PRR19: variants seen among roughly 807,000 people sequenced by gnomAD.
PRR19 encodes the protein proline-rich protein 19.
A neutral mutation model predicts 19.2 loss-of-function variants in PRR19; 9 were observed. The ratio of observed to expected loss-of-function variants is 0.47; its 90% CI spans 0.28 to 0.82. The LOEUF (loss-of-function observed/expected upper bound fraction) is 0.82. Among genes scored for constraint, PRR19 ranks in the 40% least tolerant of loss-of-function variants. The probability of loss-of-function intolerance (pLI) is 0.11; values close to 1 mark genes in which losing one functional copy is unlikely to be tolerated. For synonymous variants in PRR19, 190 were observed against 191.0 expected, an observed-to-expected ratio of 0.99 and a Z score of 0.04; for missense variants, 457 against 466.0, an observed-to-expected ratio of 0.98 and a Z score of 0.18.
Position 42,310,077 on chromosome 19 carries a change from A to C in PRR19, c.493A>C (p.Asn165His). The C allele has an allele frequency of 1.9e-6, 3 of 1,614,060 alleles. No individual in the cohort carries two copies. Among genetic ancestry groups the C allele is most frequent in the Non-Finnish European group, 2.5e-6 (3 of 1,180,012 alleles). The change falls in exon 2 of 3, where the codon AAC becomes CAC. Residue 165 changes from asparagine to histidine, a missense_variant. By Grantham distance (68) the Asn-to-His change is moderately conservative. Transcript: ENST00000341747. ...TTTGCCACAGGCCTTCCCCCGGAGG[A>C]ACCTGATTCAGGATGCCAGGGATGC... ...LSLPQAFPRR[N>H]LIQDARDAIV... is the part of the protein sequence containing the mutation.
chr19:42,309,987 C>T lies in PRR19; in HGVS notation c.403C>T (p.Pro135Ser), dbSNP rs1157772026. The T allele has an allele frequency of 5.6e-6, 9 of 1,614,046 alleles. No homozygotes were observed. Among genetic ancestry groups the T allele is most frequent in the Non-Finnish European group, 7.6e-6 (9 of 1,180,032 alleles). Residue 135 changes from proline to serine, a missense_variant, in exon 2 of 3, where the codon CCA becomes TCA. By Grantham distance (74) the Pro-to-Ser change is moderately conservative. Coordinates refer to ENST00000341747, the MANE Select transcript of PRR19 (RefSeq NM_199285.3). ...GGTGCCTGGAGGTTCGGGCCCAGGC[C>T]CACCCAGTTCCCCAGAGTTGTCTGG... ...NQVPGGSGPG[P>S]PSSPELSGVG...
intron 1 of PRR19, among the ~76,000 whole-genome samples, chr19:42,304,027 C>T (rs991787696): frequency 1.3e-5 from 2 of 151,866 alleles, no homozygotes; most frequent in African/African-American, 2.4e-5. Context: ...GCCTGTAATC[C>T]CAGCACTTTG....
intron 1 of PRR19, 163 bp downstream of exon 1, chr19:42,302,666 A>C: frequency 3.4e-6 from 1 of 297,664 alleles, no homozygotes. Flanking sequence ...GGAGGGAGAA[A>C]CCACCCACCG....
At chr19:42,307,747 CTTTTTTTTTTTT>C (rs759101368) in intron 1 of PRR19, among the ~76,000 whole-genome samples, 9 of 83,576 alleles carry the variant, frequency 1.1e-4, no homozygotes, top group Middle Eastern at 8.8e-3. Flanking sequence ...CACCCTCCAT[CTTTTTTTTTTTT>C]TTTTTTTTTT....
In PRR19 at chr19:42,302,350, G is replaced by A. The variant is rs758081581; in HGVS notation, c.-160G>A. ...CCTGCAGGATGAGCGAGTCGGGTCG[G>A]CCCGGGAGTGTTCCGAACGGAGCTG... is the stretch of plus-strand genomic sequence containing the variant. On this transcript the variant is annotated 5_prime_UTR_variant, in exon 1 of 3. Coordinates refer to ENST00000341747, the MANE Select transcript of PRR19 (RefSeq NM_199285.3). The A allele has an allele frequency of 7.1e-6, 11 of 1,540,178 alleles. No homozygotes were observed. The East Asian group carries it at 1.2e-4, about 17-fold the overall frequency.
intron 1 of PRR19, 153 bp from the exon 2 acceptor site, chr19:42,309,426 C>T (rs1287616678): frequency 8.3e-6 from 5 of 602,988 alleles, no homozygotes; most frequent in Non-Finnish European, 1.2e-5. Context: ...CTAGGCTGGT[C>T]TAAAGTGACC....
At chr19:42,302,780 T>C (rs921622619) in intron 1 of PRR19, 1 of 108,600 alleles carries the variant, frequency 9.2e-6, no homozygotes, top group African/African-American at 3.6e-5. Flanking sequence ...CAGAGTGAAA[T>C]GTGCGGAAGG....
Position 42,310,789 on chromosome 19 carries a change from A to G in PRR19, c.*49A>G. On this transcript the variant is annotated 3_prime_UTR_variant, in exon 3 of 3. Transcript: ENST00000341747. ...GGACAGATATCTTGTACTCCCAGTGACCTCAATAAAGTACTTTTCATGGTC... is the reference window on the plus strand; with the variant it reads ...GGACAGATATCTTGTACTCCCAGTGGCCTCAATAAAGTACTTTTCATGGTC... 2 of 1,280,064 alleles carry G rather than the reference A, an allele frequency of 1.6e-6. No individual in the cohort carries two copies. Among genetic ancestry groups the G allele is most frequent in the Non-Finnish European group, 2.2e-6 (2 of 923,302 alleles). 79.3% of individuals were successfully genotyped at this position (1,280,064 alleles called of 1,614,324 possible). A position where few individuals can be genotyped will look rare whatever the true frequency, so the allele number is the denominator to read the frequency against.
intron 1 of PRR19, among the ~76,000 whole-genome samples, chr19:42,306,730 G>A (rs957339759): frequency 2.0e-5 from 3 of 152,222 alleles, no homozygotes; most frequent in Non-Finnish European, 2.9e-5. Flanking sequence ...ACCGCTGATA[G>A]CTATCTGAAC....
Position 42,310,201 on chromosome 19 carries a change from G to C in PRR19, c.601+16G>C, listed in dbSNP as rs1440973161. On this transcript the variant is annotated intron_variant, in intron 2 of 2. Transcript: ENST00000341747. ...CCCTTGCCAGGTGAGCGTCCCTCCT[G>C]CCCCTGTACTCCCCTTTCCTTTGTC... is the stretch of plus-strand genomic sequence containing the variant. 3.1e-6 allele frequency: 5 copies of C among 1,613,878 alleles called. No individual in the cohort carries two copies. The highest frequency in any genetic ancestry group is 4.2e-6 in the Non-Finnish European group (5 of 1,180,012).
At chr19:42,308,387 C>T (rs2038739425) in intron 1 of PRR19, among the ~76,000 whole-genome samples, 2 of 148,734 alleles carry the variant, frequency 1.3e-5, no homozygotes, top group Admixed American at 6.7e-5. Flanking sequence ...CCACCGAATC[C>T]AGCTTTTTTT....
At chr19:42,309,294 G>A (rs1410740507) in intron 1 of PRR19, 8 of 227,328 alleles carry the variant, frequency 3.5e-5, no homozygotes, top group Non-Finnish European at 3.4e-5. Flanking sequence ...GGCTGGTCTC[G>A]AACTCCTGAC....
At chr19:42,304,012 C>G (rs999144788) in intron 1 of PRR19, among the ~76,000 whole-genome samples, 2 of 151,692 alleles carry the variant, frequency 1.3e-5, no homozygotes. Context: ...AGCATGGAGG[C>G]TCATGCCTGT....
intron 1 of PRR19, among the ~76,000 whole-genome samples, chr19:42,305,605 T>C (rs1423601661): frequency 6.6e-6 from 1 of 152,132 alleles, no homozygotes; most frequent in Non-Finnish European, 1.5e-5. Flanking sequence ...AAATAAAGTC[T>C]TAGAGGATAA....
At chr19:42,305,925 G>T (rs2038701920) in intron 1 of PRR19, among the ~76,000 whole-genome samples, 1 of 152,184 alleles carries the variant, frequency 6.6e-6, no homozygotes, top group Non-Finnish European at 1.5e-5. Context: ...AGGCTGGAAT[G>T]CAGTGGTGTG....
intron 1 of PRR19, 59 bp downstream of exon 1, chr19:42,302,562 G>A (rs1357095399): frequency 2.2e-6 from 1 of 455,930 alleles, no homozygotes; most frequent in Non-Finnish European, 3.9e-6. Flanking sequence ...GGCTCGCCCG[G>A]CGCTTCCCGC....
In PRR19 at chr19:42,302,132, A is replaced by T; in HGVS notation, c.-378A>T. On this transcript the variant is annotated 5_prime_UTR_variant, in exon 1 of 3. Transcript: ENST00000341747. ...AGGCAGCGCCTCCTCAACTGCCCTC[A>T]GTTTCCCAATCAGGTAGTGAGAGTG... 6.7e-7 allele frequency: 1 copy of T among 1,492,014 alleles called. No homozygotes were observed. The highest frequency in any genetic ancestry group is 9.1e-7 in the Non-Finnish European group (1 of 1,094,440). The allele number at this position is 1,492,014 out of a possible 1,614,324, so 92.4% of individuals were successfully genotyped here.
intron 1 of PRR19, among the ~76,000 whole-genome samples, chr19:42,303,787 G>A (rs1157436956): frequency 6.6e-6 from 1 of 152,142 alleles, no homozygotes; most frequent in East Asian, 1.9e-4. Context: ...GAGGTGTAGG[G>A]GTGTCAAAGT....
At chr19:42,303,035 C>T (rs1239684720) in intron 1 of PRR19, among the ~76,000 whole-genome samples, 1 of 150,792 alleles carries the variant, frequency 6.6e-6, no homozygotes, top group African/African-American at 2.4e-5. Context: ...CCTATCTACT[C>T]GTGGGCTTCC....
Sources: gnomAD v4.1 joint callset for allele counts (sites outside exome capture counted in the v4.1 genomes callset) on GRCh38, gnomAD v4.1.1 for gene constraint, MANE v1.5 for transcripts, NCBI Gene and HGNC (gene_info 2026-07-23, HGNC 2026-07-21) for gene names.